The following EXOC6B variants were observed in gnomAD, a reference collection of about 807,000 sequenced individuals.
EXOC6B encodes exocyst complex component 6B, also known as SEC15 homolog B.
In EXOC6B, 54 loss-of-function variants were observed where a neutral mutation model predicts 113.5. That is an observed-to-expected ratio of 0.48 (90% CI 0.38 to 0.60). The LOEUF (loss-of-function observed/expected upper bound fraction) is 0.60. EXOC6B is among the 20% of genes least tolerant of loss of function. The probability of loss-of-function intolerance (pLI) is 0.00; values close to 1 mark genes in which losing one functional copy is unlikely to be tolerated. For synonymous variants in EXOC6B, 357 were observed against 339.0 expected, an observed-to-expected ratio of 1.05 and a Z score of -0.58; for missense variants, 797 against 977.5, an observed-to-expected ratio of 0.82 and a Z score of 2.46.
At chr2:72,606,630 T>A (rs1558838576) in intron 6 of EXOC6B, among the ~76,000 whole-genome samples, 2 of 151,196 alleles carry the variant, frequency 1.3e-5, no homozygotes, top group East Asian at 1.9e-4. Flanking sequence ...TCACTTTCTT[T>A]CTTTCTTTTT....
At chr2:72,613,379 A>G (rs977058411) in intron 6 of EXOC6B, among the ~76,000 whole-genome samples, 2 of 152,116 alleles carry the variant, frequency 1.3e-5, no homozygotes, top group Non-Finnish European at 2.9e-5. Context: ...GAAAACTCCA[A>G]TGCCCAGATA....
rs570290799 is a variant in EXOC6B at position 72,613,804 on chromosome 2, G to A, written c.670-38136C>T. Among the ~76,000 whole-genome samples, 60 of 151,442 alleles carry A rather than the reference G, an allele frequency of 4.0e-4. 1 individual carries two copies. In the South Asian group the frequency reaches 4.2e-3, roughly 11 times the overall value. ...AGGATCGTGGAGAAAAAATATCTTAGTGGCCTATAGCTGGGGTCAGGAAAC... is the reference window on the plus strand; with the variant it reads ...AGGATCGTGGAGAAAAAATATCTTAATGGCCTATAGCTGGGGTCAGGAAAC... On this transcript the variant is annotated intron_variant, in intron 6 of 21. Coordinates refer to ENST00000272427, the MANE Select transcript of EXOC6B (RefSeq NM_015189.3).
chr2:72,804,126 C>T (rs1685450023), intron 1 of EXOC6B, among the ~76,000 whole-genome samples: 1 of 152,192 alleles, frequency 6.6e-6, no homozygotes, highest in South Asian at 2.1e-4. Flanking sequence ...ATAGGTTGTT[C>T]TCTGACCCTT....
At chr2:72,688,286 A>G (rs868240925) in intron 6 of EXOC6B, among the ~76,000 whole-genome samples, 12 of 152,186 alleles carry the variant, frequency 7.9e-5, no homozygotes, top group African/African-American at 2.7e-4. Flanking sequence ...AGTCCAAGAA[A>G]TTTACTTAGG....
At chr2:72,599,961 A>G (rs1003775671) in intron 6 of EXOC6B, among the ~76,000 whole-genome samples, 2 of 152,190 alleles carry the variant, frequency 1.3e-5, no homozygotes, top group Admixed American at 6.5e-5. Flanking sequence ...TAGAATATCA[A>G]TTTCTCCCAA....
intron 1 of EXOC6B, among the ~76,000 whole-genome samples, chr2:72,789,037 T>C (rs1202801887): frequency 6.6e-6 from 1 of 152,216 alleles, no homozygotes; most frequent in East Asian, 1.9e-4. Context: ...TGTGGTGCCA[T>C]GTTTGGCACC....
At chr2:72,677,470 C>T (rs375701260) in intron 6 of EXOC6B, among the ~76,000 whole-genome samples, 10 of 152,042 alleles carry the variant, frequency 6.6e-5, no homozygotes, top group Non-Finnish European at 8.8e-5. Flanking sequence ...TCCTTTCCTC[C>T]CCCTCCCCAA....
At chr2:72,529,625 A>ATTGT (rs762733772) in intron 8 of EXOC6B, among the ~76,000 whole-genome samples, 9 of 152,010 alleles carry the variant, frequency 5.9e-5, no homozygotes, top group East Asian at 1.9e-4. Context: ...GTTTCTTTGG[A>ATTGT]TTGTTTGTTT....
chr2:72,708,529 A>C (rs761592831), intron 6 of EXOC6B, among the ~76,000 whole-genome samples: 1 of 152,232 alleles, frequency 6.6e-6, no homozygotes, highest in Non-Finnish European at 1.5e-5. Context: ...AAGCCAAAAC[A>C]ATGGAGGTGG....
At position 72,575,508 on chromosome 2, in the gene EXOC6B, T is replaced by C; in HGVS notation, c.830A>G (p.Glu277Gly). The part of the protein sequence containing the change: ...QDSGILDVED[E>G]EDDEEVPGAQ... ...GTTACTTACCTCTTCATCATCTTCCTCGTCTTCAACATCCAGAATTCCTGA... is the reference window on the plus strand; with the variant it reads ...GTTACTTACCTCTTCATCATCTTCCCCGTCTTCAACATCCAGAATTCCTGA... The change falls in exon 7 of 22, where the codon GAG becomes GGG. Residue 277 changes from glutamate (E) to glycine (G), a missense_variant. Coordinates refer to ENST00000272427, the MANE Select transcript of EXOC6B (RefSeq NM_015189.3). 3 of 1,606,316 alleles carry C rather than the reference T, an allele frequency of 1.9e-6. No individual in the cohort carries two copies. Among genetic ancestry groups the C allele is most frequent in the Non-Finnish European group, 2.5e-6 (3 of 1,177,458 alleles).
In EXOC6B at chr2:72,393,761, T is replaced by C. The variant is rs367912143; in HGVS notation, c.1981-13891A>G. The stretch of plus-strand genomic sequence containing the variant: ...TTTATTTACAAAATGCTTATATATG[T>C]GTGTCTTTTGAACCCAAATTTACAG... On this transcript the variant is annotated intron_variant, in intron 18 of 21. Transcript: ENST00000272427. Among the ~76,000 whole-genome samples the C allele has an allele frequency of 5.3e-5, 8 of 152,308 alleles. 1 individual carries two copies. The highest frequency in any genetic ancestry group is 1.9e-4 in the African/African-American group (8 of 41,564).
chr2:72,759,551 T>G (rs115387648), intron 1 of EXOC6B, among the ~76,000 whole-genome samples: 2,445 of 152,280 alleles, frequency 0.016, 82 homozygotes, highest in African/African-American at 0.057. Context: ...ACTTTGCCAT[T>G]TCAACTTTTC....
chr2:72,384,594 A>T (rs1297135458), intron 18 of EXOC6B, among the ~76,000 whole-genome samples: 4 of 152,090 alleles, frequency 2.6e-5, no homozygotes, highest in African/African-American at 9.7e-5. Flanking sequence ...TTGTTTGAAA[A>T]ATATATATGA....
At chr2:72,558,764 T>A (rs906876092) in intron 8 of EXOC6B, among the ~76,000 whole-genome samples, 1 of 151,428 alleles carries the variant, frequency 6.6e-6, no homozygotes, top group Non-Finnish European at 1.5e-5. Flanking sequence ...AGCAAAACTC[T>A]GTCTCAAAAA....
intron 1 of EXOC6B, among the ~76,000 whole-genome samples, chr2:72,800,450 G>A (rs572897751): frequency 2.0e-5 from 3 of 152,144 alleles, no homozygotes; most frequent in African/African-American, 7.2e-5. Flanking sequence ...AATACCTGTT[G>A]TTTAATTTAT....
chr2:72,455,129 G>GTCCTA (rs1187237610), intron 18 of EXOC6B, among the ~76,000 whole-genome samples: 3 of 152,076 alleles, frequency 2.0e-5, no homozygotes, highest in Non-Finnish European at 4.4e-5. Context: ...ATGTGGTTGT[G>GTCCTA]TCCTAAAGGA....
At chr2:72,636,017 G>GGC (rs1672790535) in intron 6 of EXOC6B, among the ~76,000 whole-genome samples, 1 of 152,052 alleles carries the variant, frequency 6.6e-6, no homozygotes, top group Non-Finnish European at 1.5e-5. Flanking sequence ...AGAAGTTCAA[G>GGC]AAAAGCCTAA....
chr2:72,694,634 T>A (rs186470925), intron 6 of EXOC6B, among the ~76,000 whole-genome samples: 69 of 152,268 alleles, frequency 4.5e-4, no homozygotes, highest in Non-Finnish European at 8.2e-4. Context: ...TTTGTTGTTA[T>A]TGTTGTTTGA....
intron 20 of EXOC6B, among the ~76,000 whole-genome samples, chr2:72,284,537 C>G (rs1041235853): frequency 2.0e-5 from 3 of 151,986 alleles, no homozygotes; most frequent in Non-Finnish European, 4.4e-5. Context: ...AAACTATAAG[C>G]TTTCCTACTA....
Sources: allele counts gnomAD v4.1 joint callset (sites outside exome capture counted in the v4.1 genomes callset), GRCh38; gene constraint gnomAD v4.1.1; transcripts MANE v1.5; gene names NCBI Gene and HGNC (gene_info 2026-07-23, HGNC 2026-07-21).